Variants in STK32A observed in about 807,000 individuals in gnomAD.
The protein encoded by STK32A is serine/threonine-protein kinase 32A.
A neutral mutation model predicts 53.2 loss-of-function variants in STK32A; 41 were observed. The ratio of observed to expected loss-of-function variants is 0.77; its 90% CI spans 0.60 to 1.00. The LOEUF (loss-of-function observed/expected upper bound fraction) is 1.00. Ranked by LOEUF, STK32A falls within the 50% of genes least tolerant of loss-of-function variation. STK32A has a pLI of 0.00. For synonymous variants in STK32A, 166 were observed against 162.8 expected (o/e 1.02, Z -0.15); for missense variants, 458 against 485.8 (o/e 0.94, Z 0.54).
At chr5:147,316,411 TA>T in intron 4 of STK32A, among the ~76,000 whole-genome samples, 1 of 152,330 alleles carries the variant, frequency 6.6e-6, no homozygotes, top group Middle Eastern at 3.4e-3. Flanking sequence ...TATGTTTTCA[TA>T]TTCTACAGTT....
At chr5:147,246,482 C>T (rs966282440) in intron 2 of STK32A, among the ~76,000 whole-genome samples, 1 of 152,160 alleles carries the variant, frequency 6.6e-6, no homozygotes, top group Non-Finnish European at 1.5e-5. Flanking sequence ...TCTGAAATGA[C>T]CTACAATATT....
intron 2 of STK32A, among the ~76,000 whole-genome samples, chr5:147,263,201 A>G (rs1025541421): frequency 1.3e-5 from 2 of 152,232 alleles, no homozygotes; most frequent in African/African-American, 2.4e-5. Context: ...TCCAGTAAAG[A>G]GAACGACAGA....
chr5:147,313,370 T>C (rs553944509), intron 4 of STK32A, among the ~76,000 whole-genome samples: 1 of 152,328 alleles, frequency 6.6e-6, no homozygotes, highest in East Asian at 1.9e-4. Flanking sequence ...TGAGTAATCA[T>C]GTGACATACA....
intron 3 of STK32A, among the ~76,000 whole-genome samples, chr5:147,278,885 T>C (rs771584715): frequency 6.6e-6 from 1 of 152,186 alleles, no homozygotes; most frequent in Admixed American, 6.5e-5. Flanking sequence ...ACAGTATTAT[T>C]CAGCTTGACA....
intron 2 of STK32A, among the ~76,000 whole-genome samples, chr5:147,277,394 A>C (rs1443605328): frequency 6.6e-6 from 1 of 152,154 alleles, no homozygotes; most frequent in Non-Finnish European, 1.5e-5. Context: ...TAAACTAATC[A>C]ACAATTGCTT....
At chr5:147,246,456 T>C (rs1186572579) in intron 2 of STK32A, among the ~76,000 whole-genome samples, 2 of 152,204 alleles carry the variant, frequency 1.3e-5, no homozygotes, top group Non-Finnish European at 2.9e-5. Flanking sequence ...CCAGTGTTTG[T>C]TAGCATATTA....
intron 2 of STK32A, among the ~76,000 whole-genome samples, chr5:147,257,001 A>G (rs2151944770): frequency 6.6e-6 from 1 of 152,296 alleles, no homozygotes; most frequent in Non-Finnish European, 1.5e-5. Flanking sequence ...ATAGCATAAA[A>G]CTGACTTAAA....
chr5:147,394,179 G>T, the STK32A span: 4 of 1,569,888 alleles, frequency 2.5e-6, no homozygotes, highest in Non-Finnish European at 3.5e-6. Flanking sequence ...GCGGGTAGGG[G>T]GATGTGGGCA....
intron 5 of STK32A, among the ~76,000 whole-genome samples, chr5:147,330,709 G>A (rs1057316617): frequency 1.3e-5 from 2 of 152,160 alleles, no homozygotes; most frequent in African/African-American, 4.8e-5. Flanking sequence ...TGCCCTGGTA[G>A]GCTGCTCTTC....
chr5:147,365,527 A>C (rs1372125493), intron 8 of STK32A, among the ~76,000 whole-genome samples: 1 of 152,106 alleles, frequency 6.6e-6, no homozygotes. Context: ...AATCCAGTGA[A>C]CAAGTAGATA....
intron 5 of STK32A, among the ~76,000 whole-genome samples, chr5:147,328,025 T>A (rs1309016521): frequency 6.6e-6 from 1 of 152,124 alleles, no homozygotes; most frequent in Admixed American, 6.5e-5. Flanking sequence ...TGAGAGCTCA[T>A]ACAGAAAACA....
chr5:147,379,875 G>A (rs1363513167), intron 11 of STK32A, among the ~76,000 whole-genome samples: 3 of 152,096 alleles, frequency 2.0e-5, no homozygotes, highest in Middle Eastern at 3.2e-3. Flanking sequence ...TCTAAGTCAT[G>A]TATGACCCAT....
intron 2 of STK32A, among the ~76,000 whole-genome samples, chr5:147,276,341 G>A (rs1201600743): frequency 2.0e-5 from 3 of 152,144 alleles, no homozygotes; most frequent in South Asian, 2.1e-4. Context: ...TTCAGAGGCA[G>A]TACTATGCTT....
intron 7 of STK32A, among the ~76,000 whole-genome samples, chr5:147,354,851 G>T (rs186237151): frequency 2.4e-4 from 36 of 152,222 alleles, no homozygotes; most frequent in African/African-American, 7.7e-4. Flanking sequence ...TTTTTAAATG[G>T]TTCTAAGTCA....
chr5:147,323,878 C>A lies in STK32A; in HGVS notation c.261-20C>A. 6.3e-7 allele frequency: 1 copy of A among 1,599,882 alleles called. No individual in the cohort carries two copies. The highest frequency in any genetic ancestry group is 8.5e-7 in the Non-Finnish European group (1 of 1,171,510). On this transcript the variant is annotated intron_variant, in intron 4 of 12. Transcript: ENST00000397936. ...TGTGTAAATATATTTGATAAGTTTT[C>A]TCTTCTAATGTAATTCCAGGTATTC...
intron 2 of STK32A, among the ~76,000 whole-genome samples, chr5:147,261,561 G>A (rs775328753): frequency 1.1e-4 from 16 of 152,086 alleles, no homozygotes; most frequent in Non-Finnish European, 2.2e-4. Context: ...GGTGGAGTAG[G>A]TAATCAAAAA....
At chr5:147,243,613 C>T (rs564540365) in intron 2 of STK32A, among the ~76,000 whole-genome samples, 15 of 152,080 alleles carry the variant, frequency 9.9e-5, no homozygotes, top group South Asian at 6.3e-4. Context: ...TGCCAGTGTG[C>T]GCCTGTAGTC....
At chr5:147,388,293 T>C (rs1005395154), downstream of STK32A, among the ~76,000 whole-genome samples, 6 of 152,196 alleles carry the variant, frequency 3.9e-5, no homozygotes, top group Admixed American at 2.0e-4. Context: ...CAGGCAACTC[T>C]GAACTCTTGC....
At chr5:147,285,264 A>T (rs1311225310) in intron 4 of STK32A, among the ~76,000 whole-genome samples, 1 of 152,178 alleles carries the variant, frequency 6.6e-6, no homozygotes, top group African/African-American at 2.4e-5. Flanking sequence ...AGGAGAATGA[A>T]ACTGGATCGT....
Sources: gnomAD v4.1 joint callset for allele counts (sites outside exome capture counted in the v4.1 genomes callset) on GRCh38, gnomAD v4.1.1 for gene constraint, MANE v1.5 for transcripts, NCBI Gene and HGNC (gene_info 2026-07-23, HGNC 2026-07-21) for gene names.